CSMD1: variants seen among roughly 807,000 people sequenced by gnomAD.
CSMD1 encodes CUB and Sushi multiple domains 1, also known as CUB and sushi domain-containing protein 1.
A neutral mutation model predicts 417.5 loss-of-function variants in CSMD1; 213 were observed. The ratio of observed to expected loss-of-function variants is 0.51; its 90% CI spans 0.46 to 0.57. The LOEUF (loss-of-function observed/expected upper bound fraction) is 0.57, where lower values mean the gene tolerates loss of function less well. CSMD1 is among the 20% of genes least tolerant of loss of function. CSMD1 has a pLI of 0.00. For synonymous variants in CSMD1, 2,862 were observed against 1,736.8 expected (o/e 1.65, Z -16.11); for missense variants, 6,923 against 4,529.7 (o/e 1.53, Z -15.17).
intron 12 of CSMD1, among the ~76,000 whole-genome samples, chr8:3,437,207 T>A (rs1253290108): frequency 6.6e-6 from 1 of 152,190 alleles, no homozygotes; most frequent in Non-Finnish European, 1.5e-5. Context: ...ATAAAAATCC[T>A]GTCTGTTGCT....
chr8:3,034,807 G>T (rs942171530), intron 50 of CSMD1, among the ~76,000 whole-genome samples: 1 of 152,122 alleles, frequency 6.6e-6, no homozygotes, highest in Non-Finnish European at 1.5e-5. Context: ...TATAGACTAG[G>T]GAATAAGATA....
rs142382802 is a variant in CSMD1 at position 3,530,840 on chromosome 8, A to G, written c.1345-37114T>C. 8.8e-5 allele frequency among the ~76,000 whole-genome samples: 13 copies of G among 148,360 alleles called. No individual in the cohort carries two copies. In the East Asian group the frequency reaches 2.6e-3, roughly 30 times the overall value. On this transcript the variant is annotated intron_variant, in intron 10 of 69. Coordinates refer to ENST00000635120, the MANE Select transcript of CSMD1 (RefSeq NM_033225.6). ...CACCATGCCTGCCCTGCTGCAGTGAATCTTGACGCCTCTCCTTTTTCCTAT... is the reference window on the plus strand; with the variant it reads ...CACCATGCCTGCCCTGCTGCAGTGAGTCTTGACGCCTCTCCTTTTTCCTAT...
At chr8:4,197,776 G>T (rs1412891394) in intron 3 of CSMD1, among the ~76,000 whole-genome samples, 2 of 152,150 alleles carry the variant, frequency 1.3e-5, no homozygotes, top group Non-Finnish European at 2.9e-5. Context: ...CTACTTGGGA[G>T]GCTGATATGG....
intron 5 of CSMD1, among the ~76,000 whole-genome samples, chr8:3,899,381 G>A (rs370781154): frequency 5.9e-5 from 9 of 152,272 alleles, no homozygotes; most frequent in African/African-American, 2.2e-4. Context: ...AAGAGTGACT[G>A]AACATGACCC....
chr8:4,377,700 G>C (rs187031692), intron 3 of CSMD1, among the ~76,000 whole-genome samples: 2 of 152,212 alleles, frequency 1.3e-5, no homozygotes, highest in African/African-American at 4.8e-5. Flanking sequence ...AATTTCATCT[G>C]TGGCATACTT....
chr8:4,281,564 A>T (rs1458865410), intron 3 of CSMD1, among the ~76,000 whole-genome samples: 1 of 152,168 alleles, frequency 6.6e-6, no homozygotes, highest in African/African-American at 2.4e-5. Context: ...GACAAATGAG[A>T]CTGTTCTTTT....
At chr8:3,723,248 G>A (rs1403864656) in intron 6 of CSMD1, among the ~76,000 whole-genome samples, 1 of 152,098 alleles carries the variant, frequency 6.6e-6, no homozygotes, top group Admixed American at 6.6e-5. Context: ...CATCAACAAT[G>A]CAACGGGGAC....
intron 1 of CSMD1, among the ~76,000 whole-genome samples, chr8:4,923,326 GGA>G (rs1806627029): frequency 2.0e-5 from 3 of 152,052 alleles, no homozygotes; most frequent in African/African-American, 7.2e-5. Flanking sequence ...GTATTGGTTA[GGA>G]GCATGAACAG....
intron 5 of CSMD1, among the ~76,000 whole-genome samples, chr8:3,764,240 T>C (rs1798152437): frequency 6.6e-6 from 1 of 152,180 alleles, no homozygotes; most frequent in Non-Finnish European, 1.5e-5. Flanking sequence ...AGTACGCTTC[T>C]CGCTTCTCTT....
chr8:3,794,518 T>C (rs755901546), intron 5 of CSMD1, among the ~76,000 whole-genome samples: 12 of 152,200 alleles, frequency 7.9e-5, no homozygotes, highest in Non-Finnish European at 1.8e-4. Flanking sequence ...TATTGTGTGT[T>C]ATAATACTAA....
intron 3 of CSMD1, among the ~76,000 whole-genome samples, chr8:4,172,862 G>T (rs112359388): frequency 6.6e-6 from 1 of 152,064 alleles, no homozygotes; most frequent in African/African-American, 2.4e-5. Context: ...AGCCGTGTGC[G>T]TAGGCATAAA....
chr8:4,086,828 A>G (rs925610596), intron 3 of CSMD1, among the ~76,000 whole-genome samples: 2 of 152,192 alleles, frequency 1.3e-5, no homozygotes, highest in Admixed American at 1.3e-4. Flanking sequence ...AAAACTTTGC[A>G]TGCATCCTTG....
intron 5 of CSMD1, among the ~76,000 whole-genome samples, chr8:3,900,546 G>A (rs537522251): frequency 1.4e-5 from 2 of 140,862 alleles, no homozygotes; most frequent in African/African-American, 6.5e-5. Flanking sequence ...AGTGAAGCTA[G>A]GTGACAGTGC....
intron 1 of CSMD1, among the ~76,000 whole-genome samples, chr8:4,658,261 A>G (rs1804366675): frequency 6.6e-6 from 1 of 152,200 alleles, no homozygotes; most frequent in Admixed American, 6.5e-5. Flanking sequence ...AGATACGTGT[A>G]GGAAGGATAA....
At chr8:4,713,611 G>A (rs935211806) in intron 1 of CSMD1, among the ~76,000 whole-genome samples, 1 of 151,944 alleles carries the variant, frequency 6.6e-6, no homozygotes, top group African/African-American at 2.4e-5. Context: ...ATATGATAAT[G>A]CATAAAGTTC....
intron 5 of CSMD1, among the ~76,000 whole-genome samples, chr8:3,965,332 T>C (rs957119344): frequency 6.6e-6 from 1 of 152,178 alleles, no homozygotes; most frequent in African/African-American, 2.4e-5. Context: ...ATAATGTTCT[T>C]TGATGCTTAA....
chr8:4,336,832 G>A (rs1192441092), intron 3 of CSMD1, among the ~76,000 whole-genome samples: 2 of 152,100 alleles, frequency 1.3e-5, no homozygotes, highest in African/African-American at 2.4e-5. Context: ...GAGATGGAAT[G>A]AAGATGGGGT....
chr8:4,084,275 G>T (rs1800302906), intron 3 of CSMD1, among the ~76,000 whole-genome samples: 1 of 150,936 alleles, frequency 6.6e-6, no homozygotes, highest in African/African-American at 2.4e-5. Context: ...GACAAAAATT[G>T]GAAAAATCTT....
chr8:4,482,435 T>C (rs1175894270), intron 2 of CSMD1, among the ~76,000 whole-genome samples: 1 of 152,228 alleles, frequency 6.6e-6, no homozygotes, highest in Admixed American at 6.5e-5. Context: ...TTATTTGTTC[T>C]TATGGCTGCA....
Sources: gnomAD v4.1 joint callset for allele counts (sites outside exome capture counted in the v4.1 genomes callset) on GRCh38, gnomAD v4.1.1 for gene constraint, MANE v1.5 for transcripts, NCBI Gene and HGNC (gene_info 2026-07-23, HGNC 2026-07-21) for gene names.